The following SLC38A11 variants were observed in gnomAD, a reference collection of about 807,000 sequenced individuals.
SLC38A11 encodes putative sodium-coupled neutral amino acid transporter 11.
In SLC38A11, 51 loss-of-function variants were observed where a neutral mutation model predicts 49.4. The observed-to-expected ratio is 1.03, with a 90% CI of 0.83 to 1.30. SLC38A11 has a LOEUF of 1.30. SLC38A11 is among the 50% of genes most tolerant of loss of function. The probability of loss-of-function intolerance (pLI) is 0.00; values close to 1 mark genes in which losing one functional copy is unlikely to be tolerated. For missense variants in SLC38A11, 574 were observed against 556.2 expected (o/e 1.03, Z -0.32); for synonymous variants, 203 against 192.9 (o/e 1.05, Z -0.43).
chr2:164,902,351 T>C (rs550875392), intron 11 of SLC38A11, among the ~76,000 whole-genome samples: 2 of 152,266 alleles, frequency 1.3e-5, no homozygotes, highest in African/African-American at 4.8e-5. Flanking sequence ...CATTCTCTTA[T>C]TATGACATTT....
chr2:164,898,610 C>A lies in SLC38A11; in HGVS notation c.1216G>T (p.Ala406Ser), dbSNP rs755822230. The change falls in exon 12 of 12, where the codon GCT becomes TCT. Residue 406 changes from alanine (A) to serine (S), a missense_variant. Ala to Ser is a moderately conservative substitution (Grantham distance 99). Transcript: ENST00000685975. Reference protein sequence around the residue: ...IMSCVMLPIGAVVMVFGFVMA... With the variant: ...IMSCVMLPIGSVVMVFGFVMA... ...ACGAATCCAAAAACCATCACCACAG[C>A]ACCAATGGGAAGCATGACACAAGAC... 1.2e-5 allele frequency: 20 copies of A among 1,613,452 alleles called. No homozygotes were observed. Among genetic ancestry groups the A allele is most frequent in the Non-Finnish European group, 1.6e-5 (19 of 1,179,742 alleles).
rs538387248 is a variant in SLC38A11 at position 164,947,779 on chromosome 2, A to C, written c.230-2052T>G. Among the ~76,000 whole-genome samples, 19 of 152,252 alleles carry C rather than the reference A, an allele frequency of 1.2e-4. No homozygotes were observed. The South Asian group carries it at 3.9e-3, about 32-fold the overall frequency. ...ACTTTCTATATTCCTGTGGTTACTA[A>C]GTCTATTAACTATTGCATCAGAAAT... On this transcript the variant is annotated intron_variant, in intron 3 of 11. Transcript: ENST00000685975.
Position 164,954,612 on chromosome 2 carries a change from C to A in SLC38A11, c.154+19G>T. The A allele has an allele frequency of 1.5e-6, 2 of 1,326,642 alleles. No homozygotes were observed. The highest frequency in any genetic ancestry group is 2.0e-6 in the Non-Finnish European group (2 of 986,094). The allele number at this position is 1,326,642 out of a possible 1,614,324, so 82.2% of individuals were successfully genotyped here. On this transcript the variant is annotated intron_variant, in intron 2 of 11. Transcript: ENST00000685975. Reference sequence around the variant, plus strand: ...TTTGCCCTTTCACTTAAAATTTAAACCAAAGCAAATACACTTACCTATTAT... The same window carrying A: ...TTTGCCCTTTCACTTAAAATTTAAAACAAAGCAAATACACTTACCTATTAT...
chr2:164,943,400 C>T (rs1687911025), intron 5 of SLC38A11, among the ~76,000 whole-genome samples: 1 of 152,162 alleles, frequency 6.6e-6, no homozygotes, highest in South Asian at 2.1e-4. Flanking sequence ...AAATGCTTCT[C>T]AGAAATAATT....
chr2:164,944,337 A>T (rs1687968580), intron 5 of SLC38A11, among the ~76,000 whole-genome samples: 1 of 152,188 alleles, frequency 6.6e-6, no homozygotes, highest in Non-Finnish European at 1.5e-5. Context: ...AAAGTATTCT[A>T]AGTATTTAAA....
chr2:164,937,300 T>C (rs1190445537), intron 7 of SLC38A11, 50 bp downstream of exon 7: 1 of 1,173,326 alleles, frequency 8.5e-7, no homozygotes, highest in Admixed American at 1.8e-5. Context: ...TCTAAATATC[T>C]ATGTGGAGGC....
At chr2:164,951,162 T>A (rs1688498386) in intron 3 of SLC38A11, among the ~76,000 whole-genome samples, 1 of 152,218 alleles carries the variant, frequency 6.6e-6, no homozygotes, top group Admixed American at 6.5e-5. Flanking sequence ...CGACTTGGCT[T>A]TAGTATACTG....
intron 3 of SLC38A11, among the ~76,000 whole-genome samples, chr2:164,948,975 C>T (rs770552335): frequency 4.6e-5 from 7 of 150,726 alleles, no homozygotes; most frequent in South Asian, 2.1e-4. Context: ...AGGTTAAATG[C>T]CAGTCTCTGT....
intron 3 of SLC38A11, among the ~76,000 whole-genome samples, chr2:164,949,197 T>G (rs201173031): frequency 0.56 from 84,328 of 150,900 alleles, 23,788 homozygotes; most frequent in South Asian, 0.77. Context: ...GGATTCTAAT[T>G]TAATGTGATA....
chr2:164,915,356 CTTT>C, intron 8 of SLC38A11, 83 bp from the exon 9 acceptor site: 1 of 1,197,830 alleles, frequency 8.3e-7, no homozygotes, highest in East Asian at 2.4e-5. Context: ...ATATATACTA[CTTT>C]AGATGCCAAT....
chr2:164,939,101 T>A (rs1222207703), intron 6 of SLC38A11, among the ~76,000 whole-genome samples: 1 of 152,156 alleles, frequency 6.6e-6, no homozygotes, highest in East Asian at 1.9e-4. Context: ...TACTTCTTAA[T>A]TTTAAATTGT....
At chr2:164,925,530 C>G (rs141411194) in intron 7 of SLC38A11, among the ~76,000 whole-genome samples, 1 of 152,064 alleles carries the variant, frequency 6.6e-6, no homozygotes, top group South Asian at 2.1e-4. Flanking sequence ...CTTGCATTTC[C>G]AAAAGATTGG....
chr2:164,910,220 C>T (rs1166533853), intron 10 of SLC38A11, among the ~76,000 whole-genome samples: 2 of 152,046 alleles, frequency 1.3e-5, no homozygotes, highest in Non-Finnish European at 2.9e-5. Context: ...ATCTTCCTGC[C>T]ACAGCAGCTA....
At chr2:164,914,059 C>A (rs569460531) in intron 9 of SLC38A11, among the ~76,000 whole-genome samples, 42 of 151,962 alleles carry the variant, frequency 2.8e-4, no homozygotes, top group Middle Eastern at 3.4e-3. Context: ...CATGGTTGAC[C>A]AAAACAGGGC....
At chr2:164,933,393 C>T (rs902326629) in intron 7 of SLC38A11, among the ~76,000 whole-genome samples, 1 of 151,760 alleles carries the variant, frequency 6.6e-6, no homozygotes, top group African/African-American at 2.4e-5. Context: ...TTAGAAAATA[C>T]CATAAATCTG....
intron 11 of SLC38A11, 47 bp from the exon 12 acceptor site, chr2:164,898,777 A>G (rs368803111): frequency 1.8e-5 from 28 of 1,555,220 alleles, no homozygotes; most frequent in Non-Finnish European, 2.4e-5. Context: ...AGATGGAAAC[A>G]TTCTTCGGAC....
chr2:164,897,969 T>C lies in SLC38A11; in HGVS notation c.*468A>G, dbSNP rs147677370. 6.5e-6 allele frequency: 1 copy of C among 153,118 alleles called. No individual in the cohort carries two copies. The highest frequency in any genetic ancestry group is 2.1e-4 in the South Asian group (1 of 4,864). 9.5% of individuals were successfully genotyped at this position (153,118 alleles called of 1,614,324 possible). A position where few individuals can be genotyped will look rare whatever the true frequency, so the allele number is the denominator to read the frequency against. ...CTGAAATTATAACGGAGAGCTCCTCTTTGTTCTTGGGATATGTCTTCTTTT... is the reference window on the plus strand; with the variant it reads ...CTGAAATTATAACGGAGAGCTCCTCCTTGTTCTTGGGATATGTCTTCTTTT... On this transcript the variant is annotated 3_prime_UTR_variant, in exon 12 of 12. Transcript: ENST00000685975.
chr2:164,942,466 A>T (rs1165346871), intron 5 of SLC38A11, among the ~76,000 whole-genome samples: 1 of 151,294 alleles, frequency 6.6e-6, no homozygotes, highest in African/African-American at 2.4e-5. Context: ...GAGAGAAAAG[A>T]GAGAAGGAAA....
At position 164,912,038 on chromosome 2, in the gene SLC38A11, G is replaced by T. The variant is rs188881736; in HGVS notation, c.851-290C>A. The stretch of plus-strand genomic sequence containing the variant: ...GGTGTGTAATAGGTGCTACCATCTA[G>T]ATTTGTGTACGTATACTCTGTGATG... On this transcript the variant is annotated intron_variant, in intron 9 of 11. Transcript: ENST00000685975. 14 of 182,688 alleles carry T rather than the reference G, an allele frequency of 7.7e-5. 1 individual carries two copies. Among genetic ancestry groups the T allele is most frequent in the Admixed American group, 7.6e-4 (13 of 17,032 alleles). The allele number at this position is 182,688 out of a possible 1,614,324, so 11.3% of individuals were successfully genotyped here. A position where few individuals can be genotyped will look rare whatever the true frequency, so the allele number is the denominator to read the frequency against.
Sources: allele counts gnomAD v4.1 joint callset (sites outside exome capture counted in the v4.1 genomes callset), GRCh38; gene constraint gnomAD v4.1.1; transcripts MANE v1.5; gene names NCBI Gene and HGNC (gene_info 2026-07-23, HGNC 2026-07-21).